Variants in WFDC5 observed in about 807,000 individuals in gnomAD.
The protein encoded by WFDC5 is WAP four-disulfide core domain protein 5.
Under a neutral mutation model 15.7 loss-of-function variants are expected in WFDC5, and 15 were observed. The observed-to-expected ratio is 0.96, with a 90% confidence interval of 0.64 to 1.47. WFDC5 has a LOEUF of 1.47. WFDC5 is among the 40% of genes most tolerant of loss of function. The pLI is 0.00. For synonymous variants in WFDC5, 109 were observed against 107.7 expected, an observed-to-expected ratio of 1.01 and a Z score of -0.07; for missense variants, 280 against 258.0, an observed-to-expected ratio of 1.09 and a Z score of -0.59.
upstream of WFDC5, among the ~76,000 whole-genome samples, chr20:45,115,670 T>C (rs1402301278): frequency 2.0e-5 from 3 of 152,094 alleles, no homozygotes; most frequent in Non-Finnish European, 2.9e-5. Context: ...TTTGGTGAGA[T>C]CACCAGTGGC....
upstream of WFDC5, among the ~76,000 whole-genome samples, chr20:45,115,980 GAA>G (rs767354138): frequency 1.1e-4 from 16 of 152,152 alleles, no homozygotes; most frequent in Non-Finnish European, 2.1e-4. Context: ...CTTCTCATTT[GAA>G]AGACGAGGAA....
rs1205924532 is a variant in WFDC5 at position 45,114,759 on chromosome 20, GAA to G, written c.85+238_85+239del. 7.3e-5 allele frequency among the ~76,000 whole-genome samples: 11 copies of G among 151,494 alleles called. No homozygotes were observed. The South Asian group carries it at 2.3e-3, about 32-fold the overall frequency. On this transcript the variant is annotated intron_variant, in intron 1 of 3. Coordinates refer to ENST00000307971, the Ensembl canonical transcript of WFDC5. ...ACAGACAAGCACCGAGAAACTGGCAGAAAAGACACTTACAGATACCAACACAG... is the reference window on the plus strand; with the variant it reads ...ACAGACAAGCACCGAGAAACTGGCAGAAGACACTTACAGATACCAACACAG...
chr20:45,112,571 C>T (rs191358508), intron 1 of WFDC5, among the ~76,000 whole-genome samples: 3 of 152,318 alleles, frequency 2.0e-5, no homozygotes, highest in Non-Finnish European at 2.9e-5. Flanking sequence ...GAGACAGTCA[C>T]ACACACAGAT....
At chr20:45,115,267 G>A, upstream of WFDC5, 1 of 570,778 alleles carries the variant, frequency 1.8e-6, no homozygotes, top group Non-Finnish European at 3.1e-6. Context: ...CACAATAGCT[G>A]AAGATAGGGT....
chr20:45,113,941 A>G (rs1981687573), intron 1 of WFDC5, among the ~76,000 whole-genome samples: 2 of 152,198 alleles, frequency 1.3e-5, no homozygotes, highest in Admixed American at 1.3e-4. Context: ...AATAGTTGGT[A>G]AGGTGAATCT....
At chr20:45,115,549 G>A (rs948862763), upstream of WFDC5, among the ~76,000 whole-genome samples, 7 of 152,180 alleles carry the variant, frequency 4.6e-5, no homozygotes, top group African/African-American at 1.7e-4. Context: ...AGGCATTAGG[G>A]TTAGGCCAGA....
At chr20:45,112,817 A>T (rs535156584) in intron 1 of WFDC5, among the ~76,000 whole-genome samples, 1 of 152,314 alleles carries the variant, frequency 6.6e-6, no homozygotes, top group East Asian at 1.9e-4. Flanking sequence ...TAATACACAC[A>T]TATATACATA....
intron 1 of WFDC5, 107 bp downstream of exon 1, chr20:45,114,892 C>T (rs562300123): frequency 2.7e-5 from 30 of 1,091,648 alleles, no homozygotes; most frequent in African/African-American, 2.1e-4. Context: ...CACACACACG[C>T]GCACACACAC....
exon 3 of WFDC5, chr20:45,110,421 C>A: frequency 6.2e-7 from 1 of 1,608,500 alleles, no homozygotes; most frequent in Non-Finnish European, 8.5e-7. Context: ...TCCCGGCAAT[C>A]CCGCCCGCAG....
intron 1 of WFDC5, among the ~76,000 whole-genome samples, chr20:45,111,033 G>A (rs934148615): frequency 6.6e-6 from 1 of 152,184 alleles, no homozygotes; most frequent in African/African-American, 2.4e-5. Context: ...CTCCACTGTG[G>A]CCAATAAGGC....
intron 1 of WFDC5, 76 bp from the exon 2 acceptor site, chr20:45,110,851 A>C: frequency 6.3e-7 from 1 of 1,577,000 alleles, no homozygotes; most frequent in South Asian, 1.1e-5. Flanking sequence ...GGGAATGACA[A>C]GACTGAATTC....
At chr20:45,109,686 G>A (rs749736739) in exon 4 of WFDC5, 10 of 701,652 alleles carry the variant, frequency 1.4e-5, no homozygotes, top group Non-Finnish European at 2.4e-5. Context: ...CCTGAATTGG[G>A]CATTTTTGGT....
At chr20:45,114,885 ACACACGCG>A in intron 1 of WFDC5, 106 bp downstream of exon 1, 9 of 1,060,778 alleles carry the variant, frequency 8.5e-6, no homozygotes, top group Non-Finnish European at 1.1e-5. Flanking sequence ...GCACGCACAC[ACACACGCG>A]CACACACACC....
At chr20:45,109,600 T>G in exon 4 of WFDC5, 2 of 623,966 alleles carry the variant, frequency 3.2e-6, no homozygotes, top group South Asian at 1.9e-5. Flanking sequence ...AAGAGGTGAA[T>G]GACTGATGTT....
chr20:45,112,546 A>T (rs1222511477), intron 1 of WFDC5, among the ~76,000 whole-genome samples: 1 of 152,190 alleles, frequency 6.6e-6, no homozygotes, highest in Non-Finnish European at 1.5e-5. Flanking sequence ...TTCTCCACTC[A>T]CAGATGTGTA....
rs1472987722 is a variant in WFDC5 at position 45,111,827 on chromosome 20, G to A, written c.86-1052C>T. On this transcript the variant is annotated intron_variant, in intron 1 of 3. Coordinates refer to ENST00000307971, the Ensembl canonical transcript of WFDC5. ...CTGGGCTTAGGACTCCCAGGGCCCG[G>A]CTCCCTCTGACCTCTGTGAGTGTCC... 2.6e-5 allele frequency among the ~76,000 whole-genome samples: 4 copies of A among 152,198 alleles called. 1 individual carries two copies. The highest frequency in any genetic ancestry group is 6.3e-3 in the Middle Eastern group (2 of 316).
intron 1 of WFDC5, 137 bp downstream of exon 1, chr20:45,114,860 CAT>C: frequency 1.2e-6 from 1 of 820,002 alleles, no homozygotes; most frequent in Non-Finnish European, 1.9e-6. Context: ...GGCATCCACA[CAT>C]ACACACACGC....
chr20:45,113,192 C>T (rs1981668182), intron 1 of WFDC5, among the ~76,000 whole-genome samples: 1 of 152,166 alleles, frequency 6.6e-6, no homozygotes, highest in Non-Finnish European at 1.5e-5. Context: ...CAGAGACACC[C>T]AGACGTTTGA....
At chr20:45,114,273 A>G (rs1568799126) in intron 1 of WFDC5, among the ~76,000 whole-genome samples, 2 of 152,192 alleles carry the variant, frequency 1.3e-5, no homozygotes, top group East Asian at 1.9e-4. Context: ...CCAGAAAAGG[A>G]CGCAGGTGGA....
Sources: allele counts gnomAD v4.1 joint callset (sites outside exome capture counted in the v4.1 genomes callset), GRCh38; gene constraint gnomAD v4.1.1; transcripts MANE v1.5; gene names NCBI Gene and HGNC (gene_info 2026-07-23, HGNC 2026-07-21).